Variants in FAM168A observed in about 807,000 individuals in gnomAD.
The protein encoded by FAM168A is protein FAM168A.
In FAM168A, 3 loss-of-function variants were observed where a neutral mutation model predicts 28.5. That is an observed-to-expected ratio of 0.11 (90% CI 0.05 to 0.27). FAM168A has a LOEUF of 0.27. Among genes scored for constraint, FAM168A ranks in the 10% least tolerant of loss-of-function variants. The pLI, the probability that FAM168A is intolerant of heterozygous loss-of-function variation, is 1.00. For missense variants in FAM168A, 222 were observed against 311.5 expected (o/e 0.71, Z 2.16); for synonymous variants, 122 against 124.2 (o/e 0.98, Z 0.12).
chr11:73,501,528 T>C (rs1855010244), intron 1 of FAM168A, among the ~76,000 whole-genome samples: 1 of 152,172 alleles, frequency 6.6e-6, no homozygotes, highest in African/African-American at 2.4e-5. Context: ...AACTTAGGAT[T>C]AAGAAACTCG....
At chr11:73,485,184 A>G (rs1868037150) in intron 1 of FAM168A, among the ~76,000 whole-genome samples, 2 of 152,176 alleles carry the variant, frequency 1.3e-5, no homozygotes, top group Admixed American at 6.6e-5. Flanking sequence ...CATCTAAAGG[A>G]CTGTTTTAAA....
At chr11:73,556,859 A>AG (rs1943897666) in intron 1 of FAM168A, among the ~76,000 whole-genome samples, 1 of 140,792 alleles carries the variant, frequency 7.1e-6, no homozygotes, top group Admixed American at 7.1e-5. Context: ...TGCCTCTACT[A>AG]AAAAAAAAAA....
intron 1 of FAM168A, among the ~76,000 whole-genome samples, chr11:73,584,391 A>G (rs1944283608): frequency 6.6e-6 from 1 of 150,966 alleles, no homozygotes. Context: ...TCAAACTCCT[A>G]GTCTCAAGTG....
At chr11:73,538,366 G>A (rs1324234584) in intron 1 of FAM168A, among the ~76,000 whole-genome samples, 3 of 151,904 alleles carry the variant, frequency 2.0e-5, no homozygotes, top group Non-Finnish European at 2.9e-5. Context: ...GAGAGAGAGA[G>A]TGAAGTAGCA....
rs528176152 is a variant in FAM168A at position 73,523,434 on chromosome 11, T to C, written c.-18-54942A>G. Among the ~76,000 whole-genome samples the C allele has an allele frequency of 3.9e-5, 6 of 152,228 alleles. No homozygotes were observed. The South Asian group carries it at 1.2e-3, about 32-fold the overall frequency. Reference sequence around the variant, plus strand: ...CCTCTGCCTCCCCAGTAGCTGACACTATAGGCACACAGTGACCGCCTTAAT... The same window carrying C: ...CCTCTGCCTCCCCAGTAGCTGACACCATAGGCACACAGTGACCGCCTTAAT... On this transcript the variant is annotated intron_variant, in intron 1 of 7. Transcript: ENST00000356467.
intron 1 of FAM168A, among the ~76,000 whole-genome samples, chr11:73,557,805 G>A (rs1021065515): frequency 6.6e-5 from 10 of 152,088 alleles, no homozygotes; most frequent in African/African-American, 1.2e-4. Context: ...CATGGTACTC[G>A]CATAAGGACA....
intron 1 of FAM168A, among the ~76,000 whole-genome samples, chr11:73,569,161 CAATT>C (rs1244714428): frequency 6.6e-6 from 1 of 152,086 alleles, no homozygotes; most frequent in Non-Finnish European, 1.5e-5. Flanking sequence ...CAAACATAAT[CAATT>C]AGTGACTAAG....
At chr11:73,587,150 G>GT (rs1241436900) in intron 1 of FAM168A, among the ~76,000 whole-genome samples, 4 of 91,282 alleles carry the variant, frequency 4.4e-5, no homozygotes, top group East Asian at 3.2e-4. Context: ...TCATGGACAT[G>GT]TTAAAAAAAA....
intron 2 of FAM168A, among the ~76,000 whole-genome samples, chr11:73,459,633 T>C (rs374079470): frequency 2.6e-5 from 4 of 152,150 alleles, no homozygotes; most frequent in East Asian, 3.9e-4. Context: ...GCTGACTACA[T>C]AGGTAATATA....
intron 1 of FAM168A, among the ~76,000 whole-genome samples, chr11:73,546,280 A>C (rs962244193): frequency 1.3e-5 from 2 of 152,180 alleles, no homozygotes; most frequent in African/African-American, 4.8e-5. Context: ...TCCCAAGTTC[A>C]CCTATGTGGG....
chr11:73,410,456 G>A (rs1418882916), intron 5 of FAM168A: 1 of 151,844 alleles, frequency 6.6e-6, no homozygotes, highest in African/African-American at 2.4e-5. Flanking sequence ...CATTTTCCAG[G>A]ATGTCTCTTA....
chr11:73,414,526 C>T (rs1358344634), intron 4 of FAM168A, among the ~76,000 whole-genome samples: 17 of 152,168 alleles, frequency 1.1e-4, no homozygotes, highest in Admixed American at 1.1e-3. Context: ...AGTCTGGAGA[C>T]AGACTGACTG....
intron 2 of FAM168A, among the ~76,000 whole-genome samples, chr11:73,448,262 G>A (rs1867359822): frequency 6.6e-6 from 1 of 151,864 alleles, no homozygotes; most frequent in African/African-American, 2.4e-5. Context: ...TGGCCAGGAT[G>A]GTCTTGATTT....
intron 1 of FAM168A, among the ~76,000 whole-genome samples, chr11:73,597,402 G>C (rs908277083): frequency 6.6e-6 from 1 of 151,422 alleles, no homozygotes; most frequent in Non-Finnish European, 1.5e-5. Flanking sequence ...CCTGCCCCAG[G>C]TCCACCCCAA....
chr11:73,424,501 C>A (rs552263945), intron 3 of FAM168A, among the ~76,000 whole-genome samples: 1 of 152,086 alleles, frequency 6.6e-6, no homozygotes. Flanking sequence ...GCTGCCCCCC[C>A]CACCTCTCAC....
At chr11:73,558,347 T>C (rs1433507665) in intron 1 of FAM168A, among the ~76,000 whole-genome samples, 1 of 151,838 alleles carries the variant, frequency 6.6e-6, no homozygotes, top group Non-Finnish European at 1.5e-5. Flanking sequence ...TGCACATCTG[T>C]AGTCCTAGCT....
intron 1 of FAM168A, among the ~76,000 whole-genome samples, chr11:73,470,637 T>C (rs923658820): frequency 3.3e-5 from 5 of 152,136 alleles, no homozygotes; most frequent in African/African-American, 1.2e-4. Context: ...CCCCTCTCTC[T>C]TCCACCATGG....
chr11:73,550,533 T>C (rs1038199768), intron 1 of FAM168A, among the ~76,000 whole-genome samples: 2 of 152,066 alleles, frequency 1.3e-5, no homozygotes, highest in African/African-American at 4.8e-5. Context: ...CAGGTGCCTA[T>C]AGTCCTAGCT....
intron 6 of FAM168A, among the ~76,000 whole-genome samples, 155 bp downstream of exon 6, chr11:73,409,332 A>G (rs1019266567): frequency 6.6e-6 from 1 of 151,962 alleles, no homozygotes; most frequent in African/African-American, 2.4e-5. Flanking sequence ...CCTCATCCCC[A>G]TAGACAGATT....
Sources: allele counts gnomAD v4.1 joint callset (sites outside exome capture counted in the v4.1 genomes callset), GRCh38; gene constraint gnomAD v4.1.1; transcripts MANE v1.5; gene names NCBI Gene and HGNC (gene_info 2026-07-23, HGNC 2026-07-21).